Variants in PPP4R2 observed in about 807,000 individuals in gnomAD.
The protein encoded by PPP4R2 is serine/threonine-protein phosphatase 4 regulatory subunit 2.
In PPP4R2, 13 loss-of-function variants were observed where a neutral mutation model predicts 47.2. The ratio of observed to expected loss-of-function variants is 0.28; its 90% CI spans 0.18 to 0.44. The LOEUF is 0.44. Ranked by LOEUF, PPP4R2 falls within the 20% of genes least tolerant of loss-of-function variation. PPP4R2 has a pLI of 1.00. For missense variants in PPP4R2, 421 were observed against 491.2 expected (o/e 0.86, Z 1.35); for synonymous variants, 151 against 163.3 (o/e 0.92, Z 0.57).
intron 2 of PPP4R2, among the ~76,000 whole-genome samples, chr3:73,004,639 T>C (rs747833440): frequency 6.6e-6 from 1 of 152,068 alleles, no homozygotes; most frequent in Non-Finnish European, 1.5e-5. Flanking sequence ...GGTTTCACCA[T>C]GTTTTTAGGC....
intron 2 of PPP4R2, among the ~76,000 whole-genome samples, chr3:73,009,104 G>A (rs1701672013): frequency 6.6e-6 from 1 of 152,150 alleles, no homozygotes; most frequent in Non-Finnish European, 1.5e-5. Flanking sequence ...TTAAGTTACT[G>A]TTGGTCACAG....
chr3:73,062,916 A>G (rs1254217709), intron 5 of PPP4R2: 21 of 1,599,302 alleles, frequency 1.3e-5, no homozygotes, highest in South Asian at 6.6e-5. Flanking sequence ...AAGAAAGCAC[A>G]GATGACAACC....
chr3:73,046,574 A>G (rs1465192082), intron 2 of PPP4R2, among the ~76,000 whole-genome samples: 1 of 152,184 alleles, frequency 6.6e-6, no homozygotes, highest in East Asian at 1.9e-4. Context: ...TGTGAAAAGT[A>G]CCTAAGCAAA....
intron 2 of PPP4R2, among the ~76,000 whole-genome samples, chr3:73,002,106 T>C (rs1280191738): frequency 1.3e-5 from 2 of 152,244 alleles, no homozygotes; most frequent in African/African-American, 4.8e-5. Flanking sequence ...ATGTTTGTCT[T>C]TCTGTGCTTG....
At chr3:73,040,807 C>A (rs1330080200) in intron 2 of PPP4R2, among the ~76,000 whole-genome samples, 1 of 152,090 alleles carries the variant, frequency 6.6e-6, no homozygotes, top group East Asian at 1.9e-4. Flanking sequence ...GCCATCGCAC[C>A]CAGCCCTAAA....
intron 2 of PPP4R2, among the ~76,000 whole-genome samples, chr3:73,039,329 G>T (rs775084055): frequency 3.3e-5 from 5 of 152,034 alleles, no homozygotes; most frequent in Non-Finnish European, 7.4e-5. Context: ...CACCATGTTG[G>T]CTAGGCTGGT....
At chr3:73,016,216 G>C (rs1038747323) in intron 2 of PPP4R2, 2 of 152,148 alleles carry the variant, frequency 1.3e-5, no homozygotes, top group Non-Finnish European at 2.9e-5. Context: ...GAGATTCTTT[G>C]AGATGTGGGA....
In PPP4R2 at chr3:73,065,444, GAA is replaced by G. The variant is rs1264287773; in HGVS notation, c.980_981del (p.Lys327ArgfsTer3). On this transcript the variant is annotated frameshift_variant, in exon 9 of 9. Transcript: ENST00000356692. LOFTEE classifies it high-confidence loss of function. ...REMIPERKNQ[E>X]KESDDALTVN... ...AATGATCCCAGAAAGAAAAAATCAA[GAA>G]AAAGAATCTGATGATGCCTTAACTG... 6.2e-7 allele frequency: 1 copy of G among 1,605,458 alleles called. No homozygotes were observed. Among genetic ancestry groups the G allele is most frequent in the Non-Finnish European group, 8.5e-7 (1 of 1,176,700 alleles).
intron 3 of PPP4R2, among the ~76,000 whole-genome samples, chr3:73,049,366 G>A (rs1008539821): frequency 2.6e-5 from 4 of 152,048 alleles, no homozygotes; most frequent in African/African-American, 9.7e-5. Context: ...GGGCGTTGTC[G>A]CGGACGCCCA....
In PPP4R2 at chr3:72,997,382, C is replaced by A. The variant is rs573939759; in HGVS notation, c.34+311C>A. 5 of 291,758 alleles carry A rather than the reference C, an allele frequency of 1.7e-5. No homozygotes were observed. In the East Asian group the frequency reaches 2.7e-4, roughly 16 times the overall value. 18.1% of individuals were successfully genotyped at this position (291,758 alleles called of 1,614,324 possible). A position where few individuals can be genotyped will look rare whatever the true frequency, so the allele number is the denominator to read the frequency against. ...GGCGGACCCGCAGACCCCTCCCTCC[C>A]AGATATCCTCTTTTCTCCACCAGGC... On this transcript the variant is annotated intron_variant, in intron 1 of 8. Coordinates refer to ENST00000356692, the MANE Select transcript of PPP4R2 (RefSeq NM_174907.4).
At chr3:73,033,945 ATACGG>A (rs754588223) in intron 2 of PPP4R2, among the ~76,000 whole-genome samples, 8 of 152,352 alleles carry the variant, frequency 5.3e-5, no homozygotes, top group Admixed American at 2.0e-4. Context: ...TTGCTGGATC[ATACGG>A]TAGTTCTGTG....
intron 2 of PPP4R2, among the ~76,000 whole-genome samples, chr3:73,041,924 GA>G (rs1204987402): frequency 6.6e-6 from 1 of 152,078 alleles, no homozygotes; most frequent in Non-Finnish European, 1.5e-5. Context: ...TTCCTATGGA[GA>G]AAAAAGGTCA....
At chr3:73,011,301 G>A (rs1160770030) in intron 2 of PPP4R2, among the ~76,000 whole-genome samples, 6 of 152,152 alleles carry the variant, frequency 3.9e-5, no homozygotes, top group Admixed American at 6.5e-5. Context: ...CTAACATGGT[G>A]AAACCCTGCC....
rs968327056 is a variant in PPP4R2 at position 73,003,692 on chromosome 3, G to GT, written c.116+5543dup. Among the ~76,000 whole-genome samples the GT allele has an allele frequency of 8.1e-3, 1,010 of 125,300 alleles. 8 individuals are homozygous for GT. Among genetic ancestry groups the GT allele is most frequent in the African/African-American group, 0.029 (943 of 32,146 alleles). The allele number at this position is 125,300 out of a possible 152,430, so 82.2% of individuals were successfully genotyped here. On this transcript the variant is annotated intron_variant, in intron 2 of 8. Coordinates refer to ENST00000356692, the MANE Select transcript of PPP4R2 (RefSeq NM_174907.4). The stretch of plus-strand genomic sequence containing the variant: ...GGCTAATTGAAACAATATTTCTGGA[G>GT]TTTTTTTTTGTTTTGTTTTTTTTTG...
intron 2 of PPP4R2, among the ~76,000 whole-genome samples, chr3:73,009,033 G>A (rs1454720323): frequency 6.6e-6 from 1 of 152,110 alleles, no homozygotes; most frequent in African/African-American, 2.4e-5. Context: ...GGCAGATAGT[G>A]AGTGTCCTGT....
At chr3:73,045,525 A>ATT (rs1559561941) in intron 2 of PPP4R2, among the ~76,000 whole-genome samples, 6 of 87,898 alleles carry the variant, frequency 6.8e-5, no homozygotes, top group Non-Finnish European at 1.1e-4. Flanking sequence ...ACATTCTCCT[A>ATT]ATTTTTTTTT....
At chr3:73,063,642 TCATCCACAA>T in intron 5 of PPP4R2, 22 bp from the exon 6 acceptor site, 1 of 1,348,956 alleles carries the variant, frequency 7.4e-7, no homozygotes, top group Non-Finnish European at 1.1e-6. Flanking sequence ...AAAAATTAAG[TCATCCACAA>T]GTGTATTTTC....
chr3:73,019,456 C>T (rs1575850979), intron 2 of PPP4R2, among the ~76,000 whole-genome samples: 2 of 152,164 alleles, frequency 1.3e-5, no homozygotes, highest in African/African-American at 4.8e-5. Context: ...TCACTGCAAC[C>T]TCCTCCTCCT....
rs77341637 is a variant in PPP4R2 at position 73,019,143 on chromosome 3, C to T, written c.116+20985C>T. 4.1e-3 allele frequency among the ~76,000 whole-genome samples: 623 copies of T among 152,228 alleles called. 6 individuals are homozygous for T. The highest frequency in any genetic ancestry group is 0.034 in the South Asian group (165 of 4,814). ...TCTATTTTACCTATGTTCAGACATA[C>T]GAATACTTACCATTACAGGTTTGCA... On this transcript the variant is annotated intron_variant, in intron 2 of 8. Transcript: ENST00000356692.
Sources: allele counts gnomAD v4.1 joint callset (sites outside exome capture counted in the v4.1 genomes callset), GRCh38; gene constraint gnomAD v4.1.1; transcripts MANE v1.5; gene names NCBI Gene and HGNC (gene_info 2026-07-23, HGNC 2026-07-21).